GPHN: variants seen among roughly 807,000 people sequenced by gnomAD.
The protein encoded by GPHN is gephyrin.
Under a neutral mutation model 95.5 loss-of-function variants are expected in GPHN, and 17 were observed. That is an observed-to-expected ratio of 0.18 (90% confidence interval 0.12 to 0.27). The LOEUF (loss-of-function observed/expected upper bound fraction) is 0.27. Ranked by LOEUF, GPHN falls within the 10% of genes least tolerant of loss-of-function variation. The pLI is 1.00. For missense variants in GPHN, 660 were observed against 978.1 expected, an observed-to-expected ratio of 0.67 and a Z score of 4.34; for synonymous variants, 320 against 322.5, an observed-to-expected ratio of 0.99 and a Z score of 0.08.
At chr14:66,534,273 G>A (rs960199837) in intron 1 of GPHN, among the ~76,000 whole-genome samples, 3 of 152,024 alleles carry the variant, frequency 2.0e-5, no homozygotes, top group Non-Finnish European at 2.9e-5. Flanking sequence ...TCTCCTTCAT[G>A]GTTTTCACAG....
intron 5 of GPHN, among the ~76,000 whole-genome samples, chr14:66,896,062 G>C (rs1282897882): frequency 6.6e-6 from 1 of 152,016 alleles, no homozygotes; most frequent in Admixed American, 6.6e-5. Flanking sequence ...GTGGTAGAAG[G>C]GGCAAACTAG....
At position 66,900,844 on chromosome 14, in the gene GPHN, A is replaced by G. The variant is rs1988846; in HGVS notation, c.390-15159A>G. Among the ~76,000 whole-genome samples the G allele has an allele frequency of 2.6e-5, 4 of 152,090 alleles. No individual in the cohort carries two copies. The East Asian group carries it at 7.7e-4, about 29-fold the overall frequency. ...TAGCCATTATGAATAGTGCTGCAGT[A>G]AATGTGAGAGTGCAGATGTCTTTTC... On this transcript the variant is annotated intron_variant, in intron 5 of 22. Transcript: ENST00000478722.
intron 1 of GPHN, among the ~76,000 whole-genome samples, chr14:66,646,852 G>A (rs2064776935): frequency 6.6e-6 from 1 of 152,108 alleles, no homozygotes; most frequent in African/African-American, 2.4e-5. Context: ...AGGGATTAAG[G>A]TGGTGAATTT....
At chr14:67,263,464 A>C in the GPHN span, among the ~76,000 whole-genome samples, 3 of 152,256 alleles carry the variant, frequency 2.0e-5, no homozygotes, top group Non-Finnish European at 4.4e-5. Flanking sequence ...TTAAAAGAGA[A>C]TCTCTATGAA....
chr14:67,390,042 A>G, the GPHN span, among the ~76,000 whole-genome samples: 1 of 152,210 alleles, frequency 6.6e-6, no homozygotes, highest in East Asian at 1.9e-4. Context: ...AAAACTAATG[A>G]AAGTCATACA....
rs879010171 is a variant in GPHN at position 66,592,565 on chromosome 14, C to T, written c.64+83974C>T. On this transcript the variant is annotated intron_variant, in intron 1 of 22. Coordinates refer to ENST00000478722, the MANE Select transcript of GPHN (RefSeq NM_020806.5). ...CATATGAAAAAAGCTCATCATCTTT[C>T]GTCACTAGAGAAATGCAAATCAAAA... 4.6e-5 allele frequency among the ~76,000 whole-genome samples: 7 copies of T among 151,916 alleles called. No homozygotes were observed. In the East Asian group the frequency reaches 1.2e-3, roughly 25 times the overall value.
chr14:67,207,328 A>G, the GPHN span, among the ~76,000 whole-genome samples: 1 of 152,066 alleles, frequency 6.6e-6, no homozygotes, highest in Non-Finnish European at 1.5e-5. Context: ...TCACATGGCC[A>G]GAGAGAGAGC....
Position 67,100,838 on chromosome 14 carries a change from C to A in GPHN, c.1238-18C>A. 1 of 1,571,512 alleles carries A rather than the reference C, an allele frequency of 6.4e-7. No homozygotes were observed. The highest frequency in any genetic ancestry group is 8.8e-7 in the Non-Finnish European group (1 of 1,141,118). ...GGTCCATACTGATGTTTGTTCTTGG[C>A]TCTGTTCCATCTCACAGCTGCTGAT... On this transcript the variant is annotated intron_variant, in intron 12 of 22. Transcript: ENST00000478722.
chr14:67,179,800 A>G, intron 22 of GPHN, 126 bp downstream of exon 22: 1 of 677,234 alleles, frequency 1.5e-6, no homozygotes, highest in South Asian at 1.7e-5. Context: ...GAAAAGTTAG[A>G]TGAGTTAAGT....
At chr14:66,922,604 A>G (rs2066279939) in intron 6 of GPHN, 62 bp from the exon 7 acceptor site, 2 of 1,313,420 alleles carry the variant, frequency 1.5e-6, no homozygotes, top group Non-Finnish European at 2.1e-6. Context: ...TTTGATTGCC[A>G]CCATCTTATA....
In GPHN at chr14:66,928,255, G is replaced by A. The variant is rs560427868; in HGVS notation, c.828+3963G>A. 4.6e-5 allele frequency among the ~76,000 whole-genome samples: 7 copies of A among 152,206 alleles called. No individual in the cohort carries two copies. In the South Asian group the frequency reaches 1.5e-3, roughly 32 times the overall value. On this transcript the variant is annotated intron_variant, in intron 8 of 22. Transcript: ENST00000478722. ...TGGATTTCTTCATGGTTCAATCTTG[G>A]TAGGTTGTATGCATCTAGGAATTTA...
chr14:66,967,488 A>C (rs550880164), intron 9 of GPHN, among the ~76,000 whole-genome samples: 161 of 152,016 alleles, frequency 1.1e-3, no homozygotes, highest in Non-Finnish European at 1.9e-3. Flanking sequence ...TTACAGGTTG[A>C]GTATCCCTAA....
At chr14:66,927,771 C>T (rs1341669487) in intron 8 of GPHN, among the ~76,000 whole-genome samples, 4 of 152,018 alleles carry the variant, frequency 2.6e-5, no homozygotes, top group Admixed American at 2.6e-4. Context: ...TCGTCAAATG[C>T]TTTTTCAGCA....
Position 66,731,012 on chromosome 14 carries a change from T to C in GPHN, c.144-45452T>C, listed in dbSNP as rs138201229. 9.8e-5 allele frequency among the ~76,000 whole-genome samples: 15 copies of C among 152,342 alleles called. No individual in the cohort carries two copies. The East Asian group carries it at 2.9e-3, about 29-fold the overall frequency. On this transcript the variant is annotated intron_variant, in intron 2 of 22. Transcript: ENST00000478722. ...TGAGTTCTCACGAGATCTGATGGTTTGATAAGGCAGTTTTGCCTGCTCTTG... is the reference window on the plus strand; with the variant it reads ...TGAGTTCTCACGAGATCTGATGGTTCGATAAGGCAGTTTTGCCTGCTCTTG...
chr14:67,316,920 T>C, the GPHN span: 1 of 1,596,428 alleles, frequency 6.3e-7, no homozygotes, highest in East Asian at 2.2e-5. Context: ...CACTTGTATT[T>C]GACATAAGTA....
the GPHN span, chr14:67,385,114 C>T: frequency 2.6e-5 from 4 of 151,996 alleles, no homozygotes; most frequent in African/African-American, 7.3e-5. Context: ...TAAATTGACC[C>T]TAGCCAGAGA....
At chr14:67,558,778 C>T in the GPHN span, among the ~76,000 whole-genome samples, 4 of 152,266 alleles carry the variant, frequency 2.6e-5, no homozygotes, top group African/African-American at 7.2e-5. Context: ...CAGGGTTGGC[C>T]GACTTTTTCT....
chr14:66,770,797 TTATAG>T (rs1450793152), intron 2 of GPHN, among the ~76,000 whole-genome samples: 1 of 152,124 alleles, frequency 6.6e-6, no homozygotes, highest in Non-Finnish European at 1.5e-5. Flanking sequence ...AAATAATAAC[TTATAG>T]TATATTGTTA....
chr14:66,771,796 A>G (rs1375661056), intron 2 of GPHN, among the ~76,000 whole-genome samples: 8 of 138,974 alleles, frequency 5.8e-5, no homozygotes, highest in South Asian at 2.3e-4. Context: ...TCATTGTTCA[A>G]TTCGCACCTA....
Sources: allele counts gnomAD v4.1 joint callset (sites outside exome capture counted in the v4.1 genomes callset), GRCh38; gene constraint gnomAD v4.1.1; transcripts MANE v1.5; gene names NCBI Gene and HGNC (gene_info 2026-07-23, HGNC 2026-07-21).